ANKRD36: variants seen among roughly 807,000 people sequenced by gnomAD.
The protein encoded by ANKRD36 is ankyrin repeat domain-containing protein 36A.
In ANKRD36, 179 loss-of-function variants were observed where a neutral mutation model predicts 278.1. That is an observed-to-expected ratio of 0.64 (90% CI 0.57 to 0.73). ANKRD36 has a LOEUF of 0.73. ANKRD36 is among the 30% of genes least tolerant of loss of function. The pLI, the probability that ANKRD36 is intolerant of heterozygous loss-of-function variation, is 0.00. For missense variants in ANKRD36, 1,159 were observed against 1,956.7 expected (o/e 0.59, Z 7.69); for synonymous variants, 320 against 641.1 (o/e 0.50, Z 7.57).
chr2:97,182,800 T>C (rs2443843), intron 26 of ANKRD36, among the ~76,000 whole-genome samples: 10 of 151,714 alleles, frequency 6.6e-5, no homozygotes, highest in South Asian at 2.1e-4. Context: ...TTTGTTGCCA[T>C]GAGTGGATGA....
At chr2:97,135,872 A>G (rs1445678991) in intron 6 of ANKRD36, among the ~76,000 whole-genome samples, 2 of 151,918 alleles carry the variant, frequency 1.3e-5, no homozygotes, top group Non-Finnish European at 2.9e-5. Context: ...ACCATGGGTA[A>G]CTGAATCTGC....
intron 15 of ANKRD36, among the ~76,000 whole-genome samples, chr2:97,156,417 G>T: frequency 7.8e-6 from 1 of 128,262 alleles, no homozygotes; most frequent in Admixed American, 8.3e-5. Context: ...TCCCCTTCCT[G>T]TGTCCATGTG....
At chr2:97,230,910 AC>A (rs1388590959) in intron 67 of ANKRD36, among the ~76,000 whole-genome samples, 2 of 152,076 alleles carry the variant, frequency 1.3e-5, no homozygotes, top group Non-Finnish European at 2.9e-5. Context: ...TCCACTCCAG[AC>A]CCTGTCTGCC....
intron 42 of ANKRD36, 59 bp downstream of exon 42, chr2:97,196,847 C>T: frequency 1.3e-6 from 2 of 1,539,520 alleles, no homozygotes; most frequent in Middle Eastern, 1.7e-4. Context: ...AAGTTCTCTT[C>T]CCCAAATAAA....
chr2:97,200,344 G>A lies in ANKRD36; in HGVS notation c.2766G>A (p.Arg922=), dbSNP rs1558713937. 1 of 1,606,904 alleles carries A rather than the reference G, an allele frequency of 6.2e-7. No individual in the cohort carries two copies. Among genetic ancestry groups the A allele is most frequent in the African/African-American group, 1.3e-5 (1 of 74,782 alleles). ...CCTTTTGCTTTTCAGTGTCTTCTCGGAAAAAACCATCCTTGGAGGTAATGA... is the reference window on the plus strand; with the variant it reads ...CCTTTTGCTTTTCAGTGTCTTCTCGAAAAAAACCATCCTTGGAGGTAATGA... ...DGEKTKRVSS[R]KKPSLEATSD... Residue 922 remains arginine (R), a synonymous_variant, in exon 45 of 76, where the codon CGG becomes CGA. Coordinates refer to ENST00000420699, the MANE Select transcript of ANKRD36 (RefSeq NM_001354587.1).
At chr2:97,157,226 C>T (rs1333464555) in intron 15 of ANKRD36, among the ~76,000 whole-genome samples, 1 of 147,720 alleles carries the variant, frequency 6.8e-6, no homozygotes, top group African/African-American at 2.5e-5. Flanking sequence ...TTATAGTAAA[C>T]AAATTAAACT....
chr2:97,184,948 A>G (rs561977739), intron 28 of ANKRD36, among the ~76,000 whole-genome samples: 1 of 151,848 alleles, frequency 6.6e-6, no homozygotes, highest in East Asian at 2.0e-4. Context: ...ACCTTGCATG[A>G]AAGACATGGA....
At chr2:97,142,906 C>A in intron 8 of ANKRD36, 71 bp downstream of exon 8, 1 of 1,464,764 alleles carries the variant, frequency 6.8e-7, no homozygotes, top group South Asian at 1.3e-5. Flanking sequence ...CTGAATAAAT[C>A]GCAGGGAGCT....
At chr2:97,194,085 C>T (rs1326314462) in intron 38 of ANKRD36, among the ~76,000 whole-genome samples, 1 of 151,550 alleles carries the variant, frequency 6.6e-6, no homozygotes, top group East Asian at 2.0e-4. Flanking sequence ...GATGAAGAAA[C>T]TTTCAGAAGC....
intron 68 of ANKRD36, among the ~76,000 whole-genome samples, 170 bp downstream of exon 68, chr2:97,234,041 CAA>C (rs1351550107): frequency 1.0e-5 from 1 of 96,254 alleles, no homozygotes; most frequent in Non-Finnish European, 2.0e-5. Context: ...CCTTCTCAGC[CAA>C]AGAGCTATGA....
chr2:97,209,404 G>A lies in ANKRD36; in HGVS notation c.3266-277G>A, dbSNP rs1481991829. Among the ~76,000 whole-genome samples the A allele has an allele frequency of 2.7e-5, 4 of 146,614 alleles. 1 individual carries two copies. Among genetic ancestry groups the A allele is most frequent in the South Asian group, 4.2e-4 (2 of 4,706 alleles). On this transcript the variant is annotated intron_variant, in intron 54 of 75. Transcript: ENST00000420699. ...TAGATCACATTTGTCCTCATCACTC[G>A]GCATATCCACATTGAGATTGACACG...
intron 22 of ANKRD36, among the ~76,000 whole-genome samples, chr2:97,176,662 G>A (rs1354628726): frequency 2.7e-5 from 4 of 150,050 alleles, no homozygotes; most frequent in South Asian, 2.1e-4. Context: ...ATTTGATCCT[G>A]TCATTACGAT....
chr2:97,226,813 G>A (rs1185429881), intron 67 of ANKRD36, among the ~76,000 whole-genome samples: 3 of 151,394 alleles, frequency 2.0e-5, no homozygotes, highest in African/African-American at 7.3e-5. Context: ...TAAGGTGTAA[G>A]GAAGGGATCC....
At chr2:97,227,505 TCAGCTTAAG>T (rs1161159517) in intron 67 of ANKRD36, among the ~76,000 whole-genome samples, 1 of 152,142 alleles carries the variant, frequency 6.6e-6, no homozygotes, top group Non-Finnish European at 1.5e-5. Context: ...AAGTTGCTGA[TCAGCTTAAG>T]GAGATTTTGG....
At chr2:97,222,790 A>G (rs1484173457) in intron 66 of ANKRD36, among the ~76,000 whole-genome samples, 1 of 152,110 alleles carries the variant, frequency 6.6e-6, no homozygotes, top group African/African-American at 2.4e-5. Flanking sequence ...AGAGCTATAT[A>G]GAAGTGTTGA....
At chr2:97,116,085 A>G (rs2035244584) in intron 1 of ANKRD36, among the ~76,000 whole-genome samples, 1 of 152,098 alleles carries the variant, frequency 6.6e-6, no homozygotes, top group Non-Finnish European at 1.5e-5. Flanking sequence ...TACAAAATGT[A>G]ACATTTCTTC....
chr2:97,222,260 G>A (rs1199896534), intron 66 of ANKRD36, among the ~76,000 whole-genome samples: 9 of 152,034 alleles, frequency 5.9e-5, no homozygotes, highest in Middle Eastern at 3.4e-3. Context: ...TTGGCGATGC[G>A]GGCTCTTTTT....
At chr2:97,217,474 T>A (rs2066253468) in intron 64 of ANKRD36, 102 bp downstream of exon 64, 2 of 1,506,874 alleles carry the variant, frequency 1.3e-6, no homozygotes, top group Non-Finnish European at 1.8e-6. Flanking sequence ...ATGCACTTTC[T>A]GATTCAGCAG....
At chr2:97,145,953 C>G (rs1044107953) in intron 10 of ANKRD36, among the ~76,000 whole-genome samples, 1 of 151,964 alleles carries the variant, frequency 6.6e-6, no homozygotes, top group Non-Finnish European at 1.5e-5. Flanking sequence ...CTGGATTGTC[C>G]GGCAAGTCAA....
Sources: allele counts gnomAD v4.1 joint callset (sites outside exome capture counted in the v4.1 genomes callset), GRCh38; gene constraint gnomAD v4.1.1; transcripts MANE v1.5; gene names NCBI Gene and HGNC (gene_info 2026-07-23, HGNC 2026-07-21).